Variants in IREB2 observed in about 807,000 individuals in gnomAD.
IREB2 encodes the protein iron-responsive element-binding protein 2.
A neutral mutation model predicts 118.8 loss-of-function variants in IREB2; 39 were observed. That is an observed-to-expected ratio of 0.33 (90% CI 0.25 to 0.43). The LOEUF (loss-of-function observed/expected upper bound fraction) is 0.43. Ranked by LOEUF, IREB2 falls within the 20% of genes least tolerant of loss-of-function variation. IREB2 has a pLI of 1.00. For synonymous variants in IREB2, 372 were observed against 392.2 expected (o/e 0.95, Z 0.61); for missense variants, 900 against 1,147.3 (o/e 0.78, Z 3.11).
chr15:78,484,327 G>A (rs1282756693), intron 11 of IREB2, among the ~76,000 whole-genome samples: 4 of 152,084 alleles, frequency 2.6e-5, no homozygotes, highest in Non-Finnish European at 5.9e-5. Flanking sequence ...CTGTCAATTA[G>A]CTTCAATAAT....
intron 4 of IREB2, among the ~76,000 whole-genome samples, chr15:78,466,046 A>G (rs1180956041): frequency 2.0e-5 from 3 of 152,184 alleles, no homozygotes; most frequent in African/African-American, 7.2e-5. Context: ...ATTTTACTGG[A>G]CGCTTAGAAT....
chr15:78,472,494 G>A (rs1044470512), intron 7 of IREB2, among the ~76,000 whole-genome samples: 1 of 152,012 alleles, frequency 6.6e-6, no homozygotes, highest in African/African-American at 2.4e-5. Flanking sequence ...AACCTCCCAA[G>A]TAGCTGGGAC....
intron 9 of IREB2, 160 bp downstream of exon 9, chr15:78,476,519 G>C (rs1330979870): frequency 9.8e-6 from 5 of 512,620 alleles, no homozygotes; most frequent in African/African-American, 1.9e-5. Flanking sequence ...TTTAAAGAGT[G>C]TTGTGTCCTC....
intron 5 of IREB2, 105 bp downstream of exon 5, chr15:78,466,594 A>G: frequency 1.4e-6 from 1 of 722,268 alleles, no homozygotes. Context: ...TTACCTTCAC[A>G]CTTAAGTACT....
chr15:78,478,314 C>G lies in IREB2; in HGVS notation c.1213C>G (p.Leu405Val), dbSNP rs186031330. 34 of 1,612,142 alleles carry G rather than the reference C, an allele frequency of 2.1e-5. No individual in the cohort carries two copies. Among genetic ancestry groups the G allele is most frequent in the Non-Finnish European group, 2.9e-5 (34 of 1,178,404 alleles). Residue 405 changes from leucine (L) to valine (V), a missense_variant, in exon 10 of 22, where the codon CTC (leucine) becomes GTC (valine). Leu to Val is a conservative substitution (Grantham distance 32). Transcript: ENST00000258886. ...CGTTTTAGGTTTTAGCAAAGCCAAA[C>G]TCGAATCAATGGAAACATACCTTAA... ...LEHTGFSKAK[L>V]ESMETYLKAV...
intron 20 of IREB2, among the ~76,000 whole-genome samples, chr15:78,495,356 G>A (rs2051823338): frequency 6.6e-6 from 1 of 152,116 alleles, no homozygotes. Context: ...TGTTTTTGAT[G>A]TTGGAAGCTT....
intron 5 of IREB2, among the ~76,000 whole-genome samples, chr15:78,469,640 T>G (rs1445559158): frequency 6.6e-6 from 1 of 152,084 alleles, no homozygotes; most frequent in African/African-American, 2.4e-5. Flanking sequence ...GGAGAATCGC[T>G]TGAACCCGGT....
intron 2 of IREB2, among the ~76,000 whole-genome samples, chr15:78,456,690 G>A (rs933942962): frequency 2.6e-5 from 4 of 151,586 alleles, no homozygotes; most frequent in Middle Eastern, 3.4e-3. Flanking sequence ...ATACATTTGT[G>A]ATTAGTGTTT....
chr15:78,441,418 C>T (rs2050842467), intron 2 of IREB2, among the ~76,000 whole-genome samples: 1 of 152,148 alleles, frequency 6.6e-6, no homozygotes. Flanking sequence ...CTAGATTGAT[C>T]GTTTACAAGA....
chr15:78,451,201 G>C (rs1484318109), intron 2 of IREB2, among the ~76,000 whole-genome samples: 1 of 152,004 alleles, frequency 6.6e-6, no homozygotes, highest in South Asian at 2.1e-4. Context: ...CCTGACCTCA[G>C]ATGATCCACC....
At chr15:78,481,666 A>G (rs900284487) in intron 10 of IREB2, 7 of 149,992 alleles carry the variant, frequency 4.7e-5, no homozygotes, top group African/African-American at 1.5e-4. Flanking sequence ...CGCCCGGCCT[A>G]TTTTTTGTAT....
chr15:78,456,011 G>C (rs973492678), intron 2 of IREB2, among the ~76,000 whole-genome samples: 4 of 152,178 alleles, frequency 2.6e-5, no homozygotes, highest in African/African-American at 9.7e-5. Flanking sequence ...ATAATAGGCT[G>C]CTGGCTTTTC....
chr15:78,475,013 C>G (rs956037401), intron 8 of IREB2: 1 of 144,372 alleles, frequency 6.9e-6, no homozygotes, highest in Admixed American at 7.1e-5. Context: ...CGAGATTGCG[C>G]CACTGCAGTC....
chr15:78,447,906 CTG>C (rs1288529525), intron 2 of IREB2, among the ~76,000 whole-genome samples: 1 of 152,236 alleles, frequency 6.6e-6, no homozygotes, highest in African/African-American at 2.4e-5. Context: ...ACTGGCCAGA[CTG>C]TAAATTGGTT....
intron 2 of IREB2, among the ~76,000 whole-genome samples, chr15:78,440,277 T>G (rs750134951): frequency 1.3e-5 from 2 of 152,106 alleles, no homozygotes; most frequent in Non-Finnish European, 2.9e-5. Flanking sequence ...TGTAAGCTAC[T>G]GCGCCTGGCC....
chr15:78,448,169 G>C (rs755559678), intron 2 of IREB2, among the ~76,000 whole-genome samples: 1 of 152,304 alleles, frequency 6.6e-6, no homozygotes, highest in South Asian at 2.1e-4. Flanking sequence ...ATTTGAGACA[G>C]AGTCTTGCTC....
chr15:78,453,493 A>G (rs778985773), intron 2 of IREB2, among the ~76,000 whole-genome samples: 6 of 151,866 alleles, frequency 4.0e-5, no homozygotes, highest in Admixed American at 1.3e-4. Context: ...GATGGGAAGA[A>G]ACCAGTTGAA....
chr15:78,448,143 A>G (rs888477279), intron 2 of IREB2, among the ~76,000 whole-genome samples: 2 of 152,104 alleles, frequency 1.3e-5, no homozygotes, highest in Non-Finnish European at 2.9e-5. Context: ...GTATGTATGT[A>G]TGTATATATT....
intron 2 of IREB2, among the ~76,000 whole-genome samples, chr15:78,457,658 T>C (rs2051128183): frequency 6.6e-6 from 1 of 152,130 alleles, no homozygotes; most frequent in Non-Finnish European, 1.5e-5. Context: ...GTTTCAGCTG[T>C]CTCTCCTCTG....
Sources: allele counts gnomAD v4.1 joint callset (sites outside exome capture counted in the v4.1 genomes callset), GRCh38; gene constraint gnomAD v4.1.1; transcripts MANE v1.5; gene names NCBI Gene and HGNC (gene_info 2026-07-23, HGNC 2026-07-21).